Variants in CNTLN observed in about 807,000 individuals in gnomAD.
The protein encoded by CNTLN is centlein.
A neutral mutation model predicts 180.0 loss-of-function variants in CNTLN; 212 were observed. That is an observed-to-expected ratio of 1.18 (90% CI 1.05 to 1.32). The LOEUF (loss-of-function observed/expected upper bound fraction) is 1.32. Ranked by LOEUF, CNTLN falls within the 40% of genes most tolerant of loss-of-function variation. The pLI is 0.00. For synonymous variants in CNTLN, 722 were observed against 563.1 expected (o/e 1.28, Z -3.99); for missense variants, 2,095 against 1,610.9 (o/e 1.30, Z -5.14).
intron 23 of CNTLN, among the ~76,000 whole-genome samples, chr9:17,476,740 A>G (rs1169277558): frequency 6.6e-6 from 1 of 152,198 alleles, no homozygotes; most frequent in Admixed American, 6.5e-5. Flanking sequence ...CTTTGAAGCT[A>G]CCTGAGGTTT....
At chr9:17,330,912 C>T (rs976454947) in intron 9 of CNTLN, 104 bp downstream of exon 9, 34 of 1,088,642 alleles carry the variant, frequency 3.1e-5, no homozygotes, top group African/African-American at 8.2e-5. Flanking sequence ...GCTTGTATTT[C>T]GGGAAACTTT....
chr9:17,260,930 G>C (rs1349611964), intron 5 of CNTLN, among the ~76,000 whole-genome samples: 1 of 151,084 alleles, frequency 6.6e-6, no homozygotes, highest in Non-Finnish European at 1.5e-5. Context: ...TTGAATAGGG[G>C]GTCTTTTCCC....
rs1404254395 is a variant in CNTLN, at chr9:17,330,735, T to G, written c.1445T>G (p.Leu482Arg). 1 of 1,612,230 alleles carries G rather than the reference T, an allele frequency of 6.2e-7. No individual in the cohort carries two copies. Among genetic ancestry groups the G allele is most frequent in the Admixed American group, 1.7e-5 (1 of 59,860 alleles). Residue 482 changes from leucine (L) to arginine (R), a missense_variant, in exon 9 of 26, where the codon CTG becomes CGG. Transcript: ENST00000380647. ...AAACTAAAGATAGCAAATGAAAAAC[T>G]GTCAGAAAACATATCTGCCAACAAG... ...QEKLKIANEK[L>R]SENISANKGF...
intron 2 of CNTLN, among the ~76,000 whole-genome samples, chr9:17,192,378 A>G (rs1304430911): frequency 1.3e-5 from 2 of 151,556 alleles, no homozygotes; most frequent in Non-Finnish European, 1.5e-5. Flanking sequence ...AGCTGGGATT[A>G]CAGGCGCCTG....
chr9:17,228,826 A>G (rs1427765717), intron 3 of CNTLN, among the ~76,000 whole-genome samples: 1 of 152,084 alleles, frequency 6.6e-6, no homozygotes, highest in Non-Finnish European at 1.5e-5. Context: ...TTAGGTTTTC[A>G]GCTTAGAGAA....
intron 23 of CNTLN, among the ~76,000 whole-genome samples, chr9:17,474,129 A>G (rs556852841): frequency 2.0e-5 from 3 of 152,274 alleles, no homozygotes; most frequent in Admixed American, 1.3e-4. Context: ...TTAAGATGCC[A>G]TATTCTGACC....
chr9:17,383,649 T>C (rs1053925376), intron 13 of CNTLN, among the ~76,000 whole-genome samples: 4 of 152,272 alleles, frequency 2.6e-5, no homozygotes, highest in African/African-American at 7.2e-5. Context: ...ATGAATTTTT[T>C]TTTTTTGAGA....
intron 2 of CNTLN, among the ~76,000 whole-genome samples, chr9:17,145,001 C>A (rs559742876): frequency 6.6e-6 from 1 of 150,928 alleles, no homozygotes; most frequent in Non-Finnish European, 1.5e-5. Context: ...GCCACCGCGC[C>A]CGGCTAATTT....
At chr9:17,402,952 C>A (rs143871427) in intron 15 of CNTLN, among the ~76,000 whole-genome samples, 11 of 151,800 alleles carry the variant, frequency 7.2e-5, no homozygotes, top group Non-Finnish European at 1.3e-4. Context: ...CAGAAAAACC[C>A]TGACTAATCC....
chr9:17,203,048 C>T (rs1822662698), intron 2 of CNTLN, among the ~76,000 whole-genome samples: 2 of 133,754 alleles, frequency 1.5e-5, no homozygotes, highest in Non-Finnish European at 1.5e-5. Flanking sequence ...CAGAGTCCCT[C>T]AGCATTTGCC....
intron 1 of CNTLN, among the ~76,000 whole-genome samples, chr9:17,142,669 C>G (rs924311352): frequency 6.6e-6 from 1 of 152,134 alleles, no homozygotes; most frequent in African/African-American, 2.4e-5. Context: ...CACAGATTCA[C>G]TCGAGGCACT....
At chr9:17,420,242 A>G (rs1828608573) in intron 18 of CNTLN, among the ~76,000 whole-genome samples, 1 of 151,932 alleles carries the variant, frequency 6.6e-6, no homozygotes, top group African/African-American at 2.4e-5. Context: ...TGCTTTTGTT[A>G]CTTGCTATTG....
chr9:17,299,824 A>AT, intron 7 of CNTLN: 3 of 982,360 alleles, frequency 3.1e-6, no homozygotes, highest in Non-Finnish European at 3.6e-6. Context: ...TGCTTGGAAC[A>AT]TTTTTTTTCT....
chr9:17,198,734 G>T (rs1208722719), intron 2 of CNTLN, among the ~76,000 whole-genome samples: 1 of 146,286 alleles, frequency 6.8e-6, no homozygotes, highest in African/African-American at 2.6e-5. Flanking sequence ...CTGTGTCCAC[G>T]TGTTCTCATT....
chr9:17,303,204 A>C (rs1310800424), intron 7 of CNTLN, among the ~76,000 whole-genome samples: 1 of 152,184 alleles, frequency 6.6e-6, no homozygotes, highest in African/African-American at 2.4e-5. Context: ...TTATAAAGCC[A>C]ACAGTATAGT....
At chr9:17,354,830 A>C (rs1338135300) in intron 12 of CNTLN, among the ~76,000 whole-genome samples, 1 of 151,928 alleles carries the variant, frequency 6.6e-6, no homozygotes, top group African/African-American at 2.4e-5. Context: ...TTTGCAATAA[A>C]TCTTGCTATT....
At chr9:17,336,149 G>A (rs1821018962) in intron 10 of CNTLN, among the ~76,000 whole-genome samples, 1 of 152,018 alleles carries the variant, frequency 6.6e-6, no homozygotes, top group Admixed American at 6.6e-5. Context: ...TAAGATCTTT[G>A]GTGGTAATAG....
intron 7 of CNTLN, among the ~76,000 whole-genome samples, chr9:17,302,866 A>C (rs1476113040): frequency 2.6e-5 from 4 of 152,242 alleles, no homozygotes; most frequent in African/African-American, 9.6e-5. Context: ...GTAAAATTGT[A>C]CTATAAGCCA....
chr9:17,246,390 C>T (rs1054817072), intron 5 of CNTLN, among the ~76,000 whole-genome samples: 1 of 152,070 alleles, frequency 6.6e-6, no homozygotes, highest in South Asian at 2.1e-4. Context: ...CCTTACTTTC[C>T]CTGAAACAAA....
Sources: allele counts gnomAD v4.1 joint callset (sites outside exome capture counted in the v4.1 genomes callset), GRCh38; gene constraint gnomAD v4.1.1; transcripts MANE v1.5; gene names NCBI Gene and HGNC (gene_info 2026-07-23, HGNC 2026-07-21).